Variants in WWOX observed in about 807,000 individuals in gnomAD.
The protein encoded by WWOX is WW domain-containing oxidoreductase.
WWOX carries 69 observed loss-of-function variants against 46.2 expected under a neutral mutation model. The observed-to-expected ratio is 1.49, with a 90% confidence interval of 1.23 to 1.82. WWOX has a LOEUF of 1.82. Ranked by LOEUF, WWOX falls within the 40% of genes most tolerant of loss-of-function variation. WWOX has a pLI of 0.00. For synonymous variants in WWOX, 359 were observed against 202.6 expected (o/e 1.77, Z -6.56); for missense variants, 919 against 542.6 (o/e 1.69, Z -6.89).
intron 8 of WWOX, among the ~76,000 whole-genome samples, chr16:78,814,515 T>C (rs2051281138): frequency 6.6e-6 from 1 of 152,150 alleles, no homozygotes; most frequent in Non-Finnish European, 1.5e-5. Context: ...ATGTTGGCTT[T>C]TCATATATGT....
intron 8 of WWOX, among the ~76,000 whole-genome samples, chr16:78,580,971 T>A (rs1321275269): frequency 1.3e-5 from 2 of 152,232 alleles, no homozygotes; most frequent in African/African-American, 4.8e-5. Flanking sequence ...AAGAGTAATC[T>A]ATTGAAAAGG....
chr16:78,549,186 T>G (rs1163069885), intron 8 of WWOX, among the ~76,000 whole-genome samples: 1 of 152,154 alleles, frequency 6.6e-6, no homozygotes, highest in Non-Finnish European at 1.5e-5. Context: ...GGAGGGACAA[T>G]AGAACCTCTG....
chr16:78,772,413 T>C (rs903146200), intron 8 of WWOX, among the ~76,000 whole-genome samples: 2 of 152,202 alleles, frequency 1.3e-5, no homozygotes, highest in African/African-American at 4.8e-5. Flanking sequence ...TGGTGTATAT[T>C]CACTACTTTT....
At chr16:79,005,684 C>G (rs1314929096) in intron 8 of WWOX, among the ~76,000 whole-genome samples, 1 of 152,148 alleles carries the variant, frequency 6.6e-6, no homozygotes, top group Non-Finnish European at 1.5e-5. Flanking sequence ...TATAAGGACA[C>G]CAGTCCTTGG....
intron 7 of WWOX, among the ~76,000 whole-genome samples, chr16:78,428,971 C>G (rs115260983): frequency 2.6e-5 from 4 of 152,150 alleles, no homozygotes; most frequent in Non-Finnish European, 4.4e-5. Context: ...ACAAGGGAAA[C>G]TGTCAAATTC....
At chr16:78,385,220 A>T (rs1256306756) in intron 5 of WWOX, among the ~76,000 whole-genome samples, 1 of 151,726 alleles carries the variant, frequency 6.6e-6, no homozygotes, top group Admixed American at 6.6e-5. Flanking sequence ...TTCCCTCAGT[A>T]ATCTGGTCTG....
chr16:79,211,613 G>A lies in WWOX; in HGVS notation c.1062G>A (p.Gln354=), dbSNP rs1484776456. 1 of 1,614,032 alleles carries A rather than the reference G, an allele frequency of 6.2e-7. No homozygotes were observed. Among genetic ancestry groups the A allele is most frequent in the African/African-American group, 1.3e-5 (1 of 74,916 alleles). Residue 354 remains glutamine, a synonymous_variant, in exon 9 of 9, where the codon CAG becomes CAA. Transcript: ENST00000566780. ...LARPFTKSMQ[Q]GAATTVYCAA... is the part of the protein sequence containing the mutation. ...CTTTCTTCTTGGATTTCCAGCAACA[G>A]GGAGCTGCCACCACCGTGTACTGTG... is the stretch of plus-strand genomic sequence containing the variant.
chr16:79,019,448 C>T (rs985972034), intron 8 of WWOX, among the ~76,000 whole-genome samples: 5 of 152,030 alleles, frequency 3.3e-5, no homozygotes, highest in African/African-American at 9.7e-5. Flanking sequence ...TATATCTCAA[C>T]ATATCTAAAC....
intron 4 of WWOX, among the ~76,000 whole-genome samples, chr16:78,163,647 G>A (rs1434904477): frequency 4.6e-5 from 7 of 152,296 alleles, no homozygotes; most frequent in Middle Eastern, 3.4e-3. Context: ...GTGTATGCAC[G>A]TGTGTTATTT....
At chr16:78,815,014 C>T (rs1436679801) in intron 8 of WWOX, among the ~76,000 whole-genome samples, 1 of 152,168 alleles carries the variant, frequency 6.6e-6, no homozygotes, top group Non-Finnish European at 1.5e-5. Flanking sequence ...TGTCACTTCA[C>T]CACCTTCCTC....
intron 8 of WWOX, among the ~76,000 whole-genome samples, chr16:79,207,658 CCT>C (rs549136914): frequency 4.1e-4 from 63 of 152,270 alleles, no homozygotes; most frequent in Admixed American, 1.7e-3. Context: ...ACAGGAATCT[CCT>C]CTTTCTTTTA....
chr16:78,231,211 A>G (rs994208286), intron 5 of WWOX, among the ~76,000 whole-genome samples: 1 of 152,220 alleles, frequency 6.6e-6, no homozygotes, highest in Non-Finnish European at 1.5e-5. Context: ...CTTTCAAACC[A>G]AACTCTTTCA....
intron 8 of WWOX, among the ~76,000 whole-genome samples, chr16:78,586,119 G>C (rs2045200570): frequency 6.6e-6 from 1 of 152,144 alleles, no homozygotes; most frequent in African/African-American, 2.4e-5. Context: ...CACTTTGGGA[G>C]GCTGAGGTGG....
At chr16:78,394,482 A>C (rs2082244270) in intron 6 of WWOX, among the ~76,000 whole-genome samples, 1 of 152,126 alleles carries the variant, frequency 6.6e-6, no homozygotes, top group Non-Finnish European at 1.5e-5. Flanking sequence ...CTTCCCTCCT[A>C]AGCAAAATTT....
At chr16:78,590,244 AG>A (rs1178613933) in intron 8 of WWOX, among the ~76,000 whole-genome samples, 2 of 152,194 alleles carry the variant, frequency 1.3e-5, no homozygotes, top group African/African-American at 4.8e-5. Context: ...TTCAAGATCA[AG>A]ATGCAGACAG....
intron 8 of WWOX, among the ~76,000 whole-genome samples, chr16:78,974,777 C>T (rs1230416156): frequency 1.3e-5 from 2 of 152,198 alleles, no homozygotes; most frequent in African/African-American, 4.8e-5. Flanking sequence ...CTCCACCCTT[C>T]AGAATGGGAT....
chr16:79,056,684 C>T (rs965838223), intron 8 of WWOX, among the ~76,000 whole-genome samples: 10 of 152,184 alleles, frequency 6.6e-5, no homozygotes, highest in African/African-American at 1.9e-4. Context: ...TTGCCAATCC[C>T]CCTCCATTAA....
chr16:79,211,770 G>T lies in WWOX; in HGVS notation c.1219G>T (p.Glu407Ter). 1.2e-6 allele frequency: 2 copies of T among 1,614,142 alleles called. No individual in the cohort carries two copies. Among genetic ancestry groups the T allele is most frequent in the African/African-American group, 1.3e-5 (1 of 75,078 alleles). The change falls in exon 9 of 9, where the codon GAA (glutamate) becomes TAA (stop). Residue 407 changes from glutamate to a stop codon, truncating the protein, a stop_gained. Coordinates refer to ENST00000566780, the MANE Select transcript of WWOX (RefSeq NM_016373.4). LOFTEE classifies it high-confidence loss of function. ...GGCGCTCAGCGAGAGGCTGATCCAA[G>T]AACGGCTTGGCAGCCAGTCCGGCTA... The part of the protein sequence containing the change: ...LWALSERLIQ[E>*]RLGSQSG
intron 8 of WWOX, among the ~76,000 whole-genome samples, chr16:78,700,932 A>C (rs2142293960): frequency 6.6e-6 from 1 of 152,314 alleles, no homozygotes; most frequent in African/African-American, 2.4e-5. Flanking sequence ...AGGGCAAGAA[A>C]TTGATATTTA....
Sources: allele counts gnomAD v4.1 joint callset (sites outside exome capture counted in the v4.1 genomes callset), GRCh38; gene constraint gnomAD v4.1.1; transcripts MANE v1.5; gene names NCBI Gene and HGNC (gene_info 2026-07-23, HGNC 2026-07-21).